Variants in CFH observed in about 807,000 individuals in gnomAD.
The protein encoded by CFH is complement factor H.
CFH carries 53 observed loss-of-function variants against 147.3 expected under a neutral mutation model. That is an observed-to-expected ratio of 0.36 (90% CI 0.29 to 0.45). The LOEUF (loss-of-function observed/expected upper bound fraction) is 0.45. Ranked by LOEUF, CFH falls within the 20% of genes least tolerant of loss-of-function variation. CFH has a pLI of 1.00. For synonymous variants in CFH, 536 were observed against 489.4 expected (o/e 1.10, Z -1.26); for missense variants, 1,380 against 1,498.0 (o/e 0.92, Z 1.30).
intron 1 of CFH, among the ~76,000 whole-genome samples, chr1:196,662,204 A>G (rs1395434869): frequency 6.6e-6 from 1 of 152,220 alleles, no homozygotes; most frequent in Non-Finnish European, 1.5e-5. Context: ...AGTTTGACTC[A>G]ATAACTGGGA....
At chr1:196,742,092 G>A (rs765987076) in intron 19 of CFH, 41 bp downstream of exon 19, 1 of 1,599,374 alleles carries the variant, frequency 6.3e-7, no homozygotes, top group Non-Finnish European at 8.6e-7. Flanking sequence ...TATAATGTGT[G>A]GGCCCAGCCC....
chr1:196,736,972 A>C lies in CFH; in HGVS notation c.2562A>C (p.Lys854Asn). 6.2e-7 allele frequency: 1 copy of C among 1,611,342 alleles called. No homozygotes were observed. Among genetic ancestry groups the C allele is most frequent in the African/African-American group, 1.3e-5 (1 of 74,966 alleles). ...LIQEGEEITCKDGRWQSIPLC... is the reference protein window; with the variant it reads ...LIQEGEEITCNDGRWQSIPLC... Reference sequence around the variant, plus strand: ...AGGAAGGAGAAGAAATTACATGCAAAGATGGAAGATGGCAGTCAATACCAC... The same window carrying C: ...AGGAAGGAGAAGAAATTACATGCAACGATGGAAGATGGCAGTCAATACCAC... Residue 854 changes from lysine (K) to asparagine (N), a missense_variant, in exon 16 of 22, where the codon AAA becomes AAC. Around this residue, in one of 4 missense-constraint regions of CFH, gnomAD observed 830 missense variants for 821.4 expected, o/e 1.01. Transcript: ENST00000367429.
intron 15 of CFH, 74 bp downstream of exon 15, chr1:196,728,596 A>G (rs1258953586): frequency 2.1e-6 from 3 of 1,442,112 alleles, no homozygotes; most frequent in Admixed American, 1.7e-5. Flanking sequence ...TGTGTCTTTT[A>G]AAAACTTTAG....
At chr1:196,675,458 A>G (rs2149079336) in intron 3 of CFH, among the ~76,000 whole-genome samples, 1 of 152,232 alleles carries the variant, frequency 6.6e-6, no homozygotes, top group Non-Finnish European at 1.5e-5. Context: ...AGAAACCCTA[A>G]GGTGTTCAGA....
In CFH at chr1:196,726,815, T is replaced by C. The variant is rs1669152758; in HGVS notation, c.2111T>C (p.Leu704Pro). ...GAACTTGAACATGGCTGGGCCCAGC[T>C]TTCTTCCCCTCCTTATTACTATGGA... Reference protein sequence around the residue: ...IPELEHGWAQLSSPPYYYGDS... With the variant: ...IPELEHGWAQPSSPPYYYGDS... The change falls in exon 14 of 22, where the codon CTT becomes CCT. Residue 704 changes from leucine to proline, a missense_variant. Physicochemically the swap from Leu to Pro is moderately conservative, Grantham distance 98. Around this residue, in one of 4 missense-constraint regions of CFH, gnomAD observed 830 missense variants for 821.4 expected, o/e 1.01. Transcript: ENST00000367429. The C allele has an allele frequency of 6.2e-7, 1 of 1,613,762 alleles. No homozygotes were observed. Among genetic ancestry groups the C allele is most frequent in the African/African-American group, 1.3e-5 (1 of 74,890 alleles).
intron 1 of CFH, among the ~76,000 whole-genome samples, chr1:196,656,520 T>A (rs550479847): frequency 6.6e-6 from 1 of 152,212 alleles, no homozygotes; most frequent in South Asian, 2.1e-4. Flanking sequence ...TTCTAGTCAC[T>A]ACTGTCTACT....
rs1429141614 is a variant in CFH, at chr1:196,734,289, G to A, written c.2414-2535G>A. Among the ~76,000 whole-genome samples, 4 of 152,202 alleles carry A rather than the reference G, an allele frequency of 2.6e-5. No individual in the cohort carries two copies. In the East Asian group the frequency reaches 7.7e-4, roughly 29 times the overall value. On this transcript the variant is annotated intron_variant, in intron 15 of 21. Coordinates refer to ENST00000367429, the MANE Select transcript of CFH (RefSeq NM_000186.4). ...GGTCTTTCATTTTCTTTCAGGAGGA[G>A]TTCATTTATGAATAGATGTTTTTTT...
chr1:196,671,154 A>T (rs1345991521), intron 1 of CFH, among the ~76,000 whole-genome samples: 1 of 152,060 alleles, frequency 6.6e-6, no homozygotes, highest in African/African-American at 2.4e-5. Flanking sequence ...ATGATTTATG[A>T]GTCAATTTTA....
At chr1:196,706,234 T>G (rs889926787) in intron 9 of CFH, among the ~76,000 whole-genome samples, 1 of 152,250 alleles carries the variant, frequency 6.6e-6, no homozygotes, top group Non-Finnish European at 1.5e-5. Flanking sequence ...TTGTCCATGC[T>G]CATGGGGCCG....
At chr1:196,670,740 G>T (rs1206639898) in intron 1 of CFH, among the ~76,000 whole-genome samples, 1 of 152,080 alleles carries the variant, frequency 6.6e-6, no homozygotes, top group Non-Finnish European at 1.5e-5. Flanking sequence ...TTAAGATTTT[G>T]CCTTTATCTT....
chr1:196,668,107 A>C (rs1667158191), intron 1 of CFH, among the ~76,000 whole-genome samples: 1 of 151,986 alleles, frequency 6.6e-6, no homozygotes, highest in African/African-American at 2.4e-5. Flanking sequence ...AGGGTTTATC[A>C]TGTTTCAATA....
At chr1:196,661,323 G>T (rs1009415896) in intron 1 of CFH, among the ~76,000 whole-genome samples, 10 of 152,026 alleles carry the variant, frequency 6.6e-5, no homozygotes, top group African/African-American at 2.4e-4. Context: ...TTTTCATATG[G>T]ATTTGTTCCA....
chr1:196,702,297 T>C (rs1213604153), intron 9 of CFH, among the ~76,000 whole-genome samples: 1 of 151,828 alleles, frequency 6.6e-6, no homozygotes, highest in Non-Finnish European at 1.5e-5. Flanking sequence ...TTAGGCAGGG[T>C]GTCACTTCTT....
chr1:196,715,465 T>C, intron 10 of CFH, 128 bp from the exon 11 acceptor site: 1 of 709,598 alleles, frequency 1.4e-6, no homozygotes, highest in South Asian at 1.7e-5. Context: ...CAGTCATAGA[T>C]TATTTTTGTA....
intron 5 of CFH, 132 bp downstream of exon 5, chr1:196,677,799 G>A: frequency 1.2e-6 from 1 of 847,050 alleles, no homozygotes; most frequent in Non-Finnish European, 1.9e-6. Flanking sequence ...CTATCTGCCT[G>A]TAATTGAGCT....
chr1:196,717,921 G>A (rs966351875), intron 11 of CFH, among the ~76,000 whole-genome samples: 10 of 152,220 alleles, frequency 6.6e-5, no homozygotes, highest in African/African-American at 2.2e-4. Flanking sequence ...GAGCAGTAAC[G>A]TTGGAAAATG....
At chr1:196,729,614 T>A (rs1034093096) in intron 15 of CFH, among the ~76,000 whole-genome samples, 3 of 151,944 alleles carry the variant, frequency 2.0e-5, no homozygotes, top group Non-Finnish European at 4.4e-5. Context: ...CTAGAATGAG[T>A]TAGAAAAATG....
intron 17 of CFH, among the ~76,000 whole-genome samples, chr1:196,737,920 C>T (rs1652633062): frequency 6.6e-6 from 1 of 151,984 alleles, no homozygotes; most frequent in Admixed American, 6.6e-5. Flanking sequence ...TCTCATGCTG[C>T]CATAAAGAAC....
At position 196,726,817 on chromosome 1, in the gene CFH, T is replaced by A; in HGVS notation, c.2113T>A (p.Ser705Thr). ...ACTTGAACATGGCTGGGCCCAGCTT[T>A]CTTCCCCTCCTTATTACTATGGAGA... is the stretch of plus-strand genomic sequence containing the variant. ...PELEHGWAQL[S>T]SPPYYYGDSV... Residue 705 changes from serine to threonine, a missense_variant, in exon 14 of 22, where the codon TCT becomes ACT. Around this residue, in one of 4 missense-constraint regions of CFH, gnomAD observed 830 missense variants for 821.4 expected, o/e 1.01. Coordinates refer to ENST00000367429, the MANE Select transcript of CFH (RefSeq NM_000186.4). 6.2e-7 allele frequency: 1 copy of A among 1,613,924 alleles called. No homozygotes were observed. Among genetic ancestry groups the A allele is most frequent in the Non-Finnish European group, 8.5e-7 (1 of 1,179,852 alleles).
Sources: gnomAD v4.1 joint callset for allele counts (sites outside exome capture counted in the v4.1 genomes callset) on GRCh38, gnomAD v4.1.1 for gene constraint, gnomAD v4.1.1 regional missense constraint, MANE v1.5 for transcripts, NCBI Gene and HGNC (gene_info 2026-07-23, HGNC 2026-07-21) for gene names.